ITPR3: variants seen among roughly 807,000 people sequenced by gnomAD.
ITPR3 encodes the protein inositol 1,4,5-trisphosphate receptor type 3.
In ITPR3, 173 loss-of-function variants were observed where a neutral mutation model predicts 293.2. The ratio of observed to expected loss-of-function variants is 0.59; its 90% CI spans 0.52 to 0.67. ITPR3 has a LOEUF of 0.67. Ranked by LOEUF, ITPR3 falls within the 30% of genes least tolerant of loss-of-function variation. The probability of loss-of-function intolerance (pLI) is 0.00; values close to 1 mark genes in which losing one functional copy is unlikely to be tolerated. For synonymous variants in ITPR3, 1,295 were observed against 1,444.4 expected (o/e 0.90, Z 2.35); for missense variants, 2,796 against 3,592.1 (o/e 0.78, Z 5.66).
rs1311666207 is a variant in ITPR3 at position 33,687,374 on chromosome 6, T to A, written c.6177+47T>A. 1.4e-6 allele frequency: 2 copies of A among 1,461,174 alleles called. No individual in the cohort carries two copies. The highest frequency in any genetic ancestry group is 1.9e-6 in the Non-Finnish European group (2 of 1,055,690). 90.5% of individuals were successfully genotyped at this position (1,461,174 alleles called of 1,614,324 possible). On this transcript the variant is annotated intron_variant, in intron 45 of 57. Coordinates refer to ENST00000605930, the MANE Select transcript of ITPR3 (RefSeq NM_002224.4). The surrounding 1 kb of genome is among the most constrained non-coding windows in gnomAD (Gnocchi z 5.3). ...ACGGCCATCACCCCCCTGGCCACCA[T>A]ACCCCGCCCCAGCTGCCATCATCCC...
rs1764421514 is a variant in ITPR3 at position 33,660,011 on chromosome 6, G to A, written c.711+462G>A. ...TCCTGGTCCCAGACATGCTGGTGTG[G>A]GCTCTGGGAGAGAAGGGAGGCCTGG... On this transcript the variant is annotated intron_variant, in intron 7 of 57. Transcript: ENST00000605930. 2.0e-5 allele frequency among the ~76,000 whole-genome samples: 3 copies of A among 152,206 alleles called. No individual in the cohort carries two copies. In the South Asian group the frequency reaches 6.2e-4, roughly 32 times the overall value.
chr6:33,683,356 G>A lies in ITPR3; in HGVS notation c.4747G>A (p.Ala1583Thr), dbSNP rs1412127724. The change falls in exon 35 of 58, where the codon GCC becomes ACC. Residue 1583 changes from alanine to threonine, a missense_variant. Ala to Thr is a moderately conservative substitution (Grantham distance 58). This residue lies in a region of ITPR3 where 704 missense variants were observed against 797.5 expected (regional missense o/e 0.88). Coordinates refer to ENST00000605930, the MANE Select transcript of ITPR3 (RefSeq NM_002224.4). This position sits in a 1 kb window ranked among gnomAD's most constrained non-coding sequence, Gnocchi z 4.5. ...TRAFPRVTPTANQWDYKNIIE... is the reference protein window; with the variant it reads ...TRAFPRVTPTTNQWDYKNIIE... The stretch of plus-strand genomic sequence containing the variant: ...GGCCTTCCCCCGCGTCACCCCCACC[G>A]CCAACCAGTGGGACTACAAGAACAT... 5.0e-6 allele frequency: 8 copies of A among 1,594,954 alleles called. No individual in the cohort carries two copies. The South Asian group carries it at 5.7e-5, about 11-fold the overall frequency.
In ITPR3 at chr6:33,687,677, A is replaced by G. The variant is rs538516051; in HGVS notation, c.6264+113A>G. ...GAGGCCCTAGAATATGAGCCAGGCT[A>G]GAATTTGGGGGTACAGCTCAGGGGG... On this transcript the variant is annotated intron_variant, in intron 46 of 57. Transcript: ENST00000605930. This position sits in a 1 kb window ranked among gnomAD's most constrained non-coding sequence, Gnocchi z 5.3. 1.2e-6 allele frequency: 1 copy of G among 856,458 alleles called. No individual in the cohort carries two copies. The highest frequency in any genetic ancestry group is 1.7e-5 in the African/African-American group (1 of 59,708). 53.1% of individuals were successfully genotyped at this position (856,458 alleles called of 1,614,324 possible).
chr6:33,622,291 T>A (rs968085671), intron 1 of ITPR3, among the ~76,000 whole-genome samples: 24 of 152,156 alleles, frequency 1.6e-4, no homozygotes, highest in Non-Finnish European at 2.4e-4. Context: ...GCGCCGGTCA[T>A]CTGGCGCCCT....
At position 33,684,016 on chromosome 6, in the gene ITPR3, C is replaced by T; in HGVS notation, c.4789-4C>T. 6.2e-7 allele frequency: 1 copy of T among 1,600,738 alleles called. No individual in the cohort carries two copies. ...TGGCAATGACTCTGCCCTGCCCACC[C>T]CAGGACATCATCACAGCCCTGGAGG... is the stretch of plus-strand genomic sequence containing the variant. On this transcript the variant is annotated splice_polypyrimidine_tract_variant and splice_region_variant and intron_variant, in intron 35 of 57. Transcript: ENST00000605930. This position sits in a 1 kb window ranked among gnomAD's most constrained non-coding sequence, Gnocchi z 4.2.
Position 33,648,930 on chromosome 6 carries a change from C to G in ITPR3, c.161-6836C>G, listed in dbSNP as rs540363096. Among the ~76,000 whole-genome samples the G allele has an allele frequency of 5.7e-4, 86 of 150,872 alleles. 1 individual carries two copies. The highest frequency in any genetic ancestry group is 7.0e-3 in the Middle Eastern group (2 of 284). On this transcript the variant is annotated intron_variant, in intron 2 of 57. Transcript: ENST00000605930. ...TTTTTTTTTTTCCAAGACGGAGTCT[C>G]GCTCTGTCTTCCAGGCTGGAGTGCA...
chr6:33,630,080 A>G (rs1159535754), intron 1 of ITPR3, among the ~76,000 whole-genome samples: 1 of 151,688 alleles, frequency 6.6e-6, no homozygotes, highest in Admixed American at 6.6e-5. Flanking sequence ...ACAGAGTGAG[A>G]CTCCGTCAAA....
At chr6:33,671,327 G>A (rs746044365) in intron 21 of ITPR3, 21 bp downstream of exon 21, 53 of 1,586,122 alleles carry the variant, frequency 3.3e-5, no homozygotes, top group Non-Finnish European at 1.2e-5. Flanking sequence ...TGCCCGGCTC[G>A]GGCCACCCTG....
rs1764729513 is a variant in ITPR3, at chr6:33,670,569, A to C, written c.2434A>C (p.Ile812Leu). ...GACTGAGATCCCCACAGCCATCACC[A>C]TCAAGGAGTGAGAGGGGTGGAGGCA... is the stretch of plus-strand genomic sequence containing the variant. ...LWTEIPTAITIKDYDSNLNAS... is the reference protein window; with the variant it reads ...LWTEIPTAITLKDYDSNLNAS... The change falls in exon 19 of 58, where the codon ATC becomes CTC. Residue 812 changes from isoleucine to leucine, a missense_variant. By Grantham distance (5) the Ile-to-Leu change is conservative. This residue lies in a region of ITPR3 where 955 missense variants were observed against 1,180.8 expected (regional missense o/e 0.81). Transcript: ENST00000605930. The surrounding 1 kb of genome is among the most constrained non-coding windows in gnomAD (Gnocchi z 6.7). The C allele has an allele frequency of 6.2e-7, 1 of 1,611,702 alleles. No individual in the cohort carries two copies. The highest frequency in any genetic ancestry group is 2.2e-5 in the East Asian group (1 of 44,794).
chr6:33,623,843 G>A (rs1045874348), intron 1 of ITPR3, among the ~76,000 whole-genome samples: 1 of 152,106 alleles, frequency 6.6e-6, no homozygotes, highest in African/African-American at 2.4e-5. Flanking sequence ...CCCTCCCTCT[G>A]CAAACACCTC....
chr6:33,687,502 C>T lies in ITPR3; in HGVS notation c.6202C>T (p.Gln2068Ter). 6.2e-7 allele frequency: 1 copy of T among 1,612,298 alleles called. No homozygotes were observed. The highest frequency in any genetic ancestry group is 8.5e-7 in the Non-Finnish European group (1 of 1,179,732). The change falls in exon 46 of 58, where the codon CAG becomes TAG. Residue 2068 changes from glutamine to a stop codon, truncating the protein, a stop_gained. Transcript: ENST00000605930. LOFTEE classifies it high-confidence loss of function. The surrounding 1 kb of genome is among the most constrained non-coding windows in gnomAD (Gnocchi z 5.3). ...GCTCTCCAGGCACAATAAACAGCTG[C>T]AGCACCTGCTGAAGCCGGTGAAGCG... ...LQLSRHNKQL[Q>*]HLLKPVKRIQ...
In ITPR3 at chr6:33,664,251, T is replaced by C. The variant is rs943982063; in HGVS notation, c.1148+371T>C. Among the ~76,000 whole-genome samples, 1 of 152,128 alleles carries C rather than the reference T, an allele frequency of 6.6e-6. No individual in the cohort carries two copies. Among genetic ancestry groups the C allele is most frequent in the Non-Finnish European group, 1.5e-5 (1 of 68,026 alleles). ...ACGGAACATCAAGAAACTTCTCAAG[T>C]GTCAGTACAGGCTTTGGCGTGTCCT... On this transcript the variant is annotated intron_variant, in intron 11 of 57. Transcript: ENST00000605930. This position sits in a 1 kb window ranked among gnomAD's most constrained non-coding sequence, Gnocchi z 4.4.
At position 33,650,919 on chromosome 6, in the gene ITPR3, G is replaced by A. The variant is rs115702282; in HGVS notation, c.161-4847G>A. Among the ~76,000 whole-genome samples the A allele has an allele frequency of 3.9e-5, 6 of 151,920 alleles. No homozygotes were observed. The East Asian group carries it at 7.7e-4, about 20-fold the overall frequency. Reference sequence around the variant, plus strand: ...ATTTTGTGGGCTTGTTCTCCCTCGCGGTGTCTGGTTCCCAAGGATCCCTGC... The same window carrying A: ...ATTTTGTGGGCTTGTTCTCCCTCGCAGTGTCTGGTTCCCAAGGATCCCTGC... On this transcript the variant is annotated intron_variant, in intron 2 of 57. Coordinates refer to ENST00000605930, the MANE Select transcript of ITPR3 (RefSeq NM_002224.4).
Position 33,679,433 on chromosome 6 carries a change from G to A in ITPR3, c.3973-449G>A, listed in dbSNP as rs1765007216. 6.6e-6 allele frequency among the ~76,000 whole-genome samples: 1 copy of A among 152,214 alleles called. No individual in the cohort carries two copies. Among genetic ancestry groups the A allele is most frequent in the African/African-American group, 2.4e-5 (1 of 41,442 alleles). On this transcript the variant is annotated intron_variant, in intron 30 of 57. Coordinates refer to ENST00000605930, the MANE Select transcript of ITPR3 (RefSeq NM_002224.4). This position sits in a 1 kb window ranked among gnomAD's most constrained non-coding sequence, Gnocchi z 4.2. ...AGGGAGATTAGGACATCATAAACAAGACATGATGTGCTGGAACTGCTGTAC... is the reference window on the plus strand; with the variant it reads ...AGGGAGATTAGGACATCATAAACAAAACATGATGTGCTGGAACTGCTGTAC...
In ITPR3 at chr6:33,664,677, A is replaced by C. The variant is rs752425663; in HGVS notation, c.1149-193A>C. ...AGTGGTCAGGACGGGGCCTGGGCGC[A>C]GGGCTAGCTCTGGCTGTTCTTATCT... On this transcript the variant is annotated intron_variant, in intron 11 of 57. Coordinates refer to ENST00000605930, the MANE Select transcript of ITPR3 (RefSeq NM_002224.4). This position sits in a 1 kb window ranked among gnomAD's most constrained non-coding sequence, Gnocchi z 4.4. Among the ~76,000 whole-genome samples the C allele has an allele frequency of 3.3e-5, 5 of 152,096 alleles. No individual in the cohort carries two copies. Among genetic ancestry groups the C allele is most frequent in the Non-Finnish European group, 7.4e-5 (5 of 68,004 alleles).
At chr6:33,661,465 C>T (rs529555339) in intron 7 of ITPR3, among the ~76,000 whole-genome samples, 1 of 152,286 alleles carries the variant, frequency 6.6e-6, no homozygotes, top group Admixed American at 6.5e-5. Flanking sequence ...GTTTCTCCAC[C>T]CATAAAATGG....
In ITPR3 at chr6:33,695,641, C is replaced by T. The variant is rs1353696015; in HGVS notation, c.7948-71C>T. The T allele has an allele frequency of 2.0e-6, 3 of 1,484,426 alleles. No individual in the cohort carries two copies. In the East Asian group the frequency reaches 6.8e-5, roughly 34 times the overall value. The allele number at this position is 1,484,426 out of a possible 1,614,324, so 92.0% of individuals were successfully genotyped here. A position where few individuals can be genotyped will look rare whatever the true frequency, so the allele number is the denominator to read the frequency against. On this transcript the variant is annotated intron_variant, in intron 57 of 57. Coordinates refer to ENST00000605930, the MANE Select transcript of ITPR3 (RefSeq NM_002224.4). ...CACAGGGGAAGACGGGTGCCAAGCT[C>T]TTCCACAGCACCCATGGAGGGAAGG... is the stretch of plus-strand genomic sequence containing the variant.
rs766120647 is a variant in ITPR3 at position 33,682,627 on chromosome 6, G to A, written c.4580G>A (p.Arg1527Gln). Residue 1527 changes from arginine (R) to glutamine (Q), a missense_variant, in exon 34 of 58, where the codon CGG (arginine) becomes CAG (glutamine). Arg to Gln is a conservative substitution (Grantham distance 43). This residue lies in a region of ITPR3 where 704 missense variants were observed against 797.5 expected (regional missense o/e 0.88). Transcript: ENST00000605930. The surrounding 1 kb of genome is among the most constrained non-coding windows in gnomAD (Gnocchi z 5.4). ...AAGGGCTCCGTGGAGGCCTGCATCC[G>A]GACCCTCGCCATGGTGGGTGAGTGT... ...QHKGSVEACIRTLAMVAKGRA... is the reference protein window; with the variant it reads ...QHKGSVEACIQTLAMVAKGRA... The A allele has an allele frequency of 7.0e-5, 112 of 1,596,150 alleles. No individual in the cohort carries two copies. Among genetic ancestry groups the A allele is most frequent in the Non-Finnish European group, 9.1e-5 (107 of 1,172,898 alleles).
chr6:33,684,634 C>G lies in ITPR3; in HGVS notation c.5083C>G (p.Leu1695Val), dbSNP rs764069839. 25 of 1,614,036 alleles carry G rather than the reference C, an allele frequency of 1.5e-5. No individual in the cohort carries two copies. In the South Asian group the frequency reaches 2.2e-4, roughly 14 times the overall value. Reference sequence around the variant, plus strand: ...GCGCAAGATGCTGCTGCAAAACTACCTCCAGAACCGGAAGTCCACCTCGCG... The same window carrying G: ...GCGCAAGATGCTGCTGCAAAACTACGTCCAGAACCGGAAGTCCACCTCGCG... Reference protein sequence around the residue: ...QLRKMLLQNYLQNRKSTSRGD... With the variant: ...QLRKMLLQNYVQNRKSTSRGD... Residue 1695 changes from leucine to valine, a missense_variant, in exon 38 of 58, where the codon CTC becomes GTC. By Grantham distance (32) the Leu-to-Val change is conservative (BLOSUM62 1). This residue lies in a region of ITPR3 where 704 missense variants were observed against 797.5 expected (regional missense o/e 0.88). Transcript: ENST00000605930. This position sits in a 1 kb window ranked among gnomAD's most constrained non-coding sequence, Gnocchi z 4.2.
Sources: gnomAD v4.1 joint callset for allele counts (sites outside exome capture counted in the v4.1 genomes callset) on GRCh38, gnomAD v4.1.1 for gene constraint, gnomAD v4.1.1 regional missense constraint, Gnocchi (gnomAD v3.1) non-coding constraint, MANE v1.5 for transcripts, NCBI Gene and HGNC (gene_info 2026-07-23, HGNC 2026-07-21) for gene names.